Variants in CFAP299 observed in about 807,000 individuals in gnomAD.
The protein encoded by CFAP299 is cilia- and flagella-associated protein 299.
CFAP299 carries 21 observed loss-of-function variants against 27.0 expected under a neutral mutation model. The ratio of observed to expected loss-of-function variants is 0.78; its 90% CI spans 0.55 to 1.12. The LOEUF is 1.12. Among genes scored for constraint, CFAP299 ranks in the 50% most tolerant of loss-of-function variants. CFAP299 has a pLI of 0.00. For synonymous variants in CFAP299, 104 were observed against 98.1 expected, an observed-to-expected ratio of 1.06 and a Z score of -0.36; for missense variants, 310 against 276.6, an observed-to-expected ratio of 1.12 and a Z score of -0.86.
intron 3 of CFAP299, among the ~76,000 whole-genome samples, chr4:80,610,302 A>G (rs1737899914): frequency 6.6e-6 from 1 of 152,218 alleles, no homozygotes; most frequent in South Asian, 2.1e-4. Flanking sequence ...TGCTGAACCC[A>G]GCAGCACTTC....
intron 5 of CFAP299, among the ~76,000 whole-genome samples, chr4:80,957,284 A>G (rs751813129): frequency 6.5e-4 from 99 of 152,174 alleles, no homozygotes; most frequent in Non-Finnish European, 1.2e-3. Flanking sequence ...AGCTCCTTAC[A>G]GTGCCATGAA....
At chr4:80,578,356 C>T (rs1578625502) in intron 2 of CFAP299, among the ~76,000 whole-genome samples, 2 of 152,122 alleles carry the variant, frequency 1.3e-5, no homozygotes, top group East Asian at 3.8e-4. Context: ...TTTCCTCTTG[C>T]TAAGAAGTTT....
chr4:80,373,221 A>G (rs932045726), intron 2 of CFAP299, among the ~76,000 whole-genome samples: 3 of 152,026 alleles, frequency 2.0e-5, no homozygotes, highest in South Asian at 2.1e-4. Flanking sequence ...TCTGACCCCC[A>G]TAAGCTTCCA....
chr4:80,782,821 T>C (rs751198345), intron 3 of CFAP299, among the ~76,000 whole-genome samples: 5 of 150,488 alleles, frequency 3.3e-5, no homozygotes, highest in African/African-American at 7.3e-5. Flanking sequence ...TGTAATTACA[T>C]ATATATTCCA....
chr4:80,509,819 C>T (rs943316062), intron 2 of CFAP299, among the ~76,000 whole-genome samples: 2 of 151,872 alleles, frequency 1.3e-5, no homozygotes, highest in Non-Finnish European at 2.9e-5. Flanking sequence ...ATGAGTTTAT[C>T]ACAAAACTGA....
intron 3 of CFAP299, among the ~76,000 whole-genome samples, chr4:80,674,835 G>A (rs1239074355): frequency 6.6e-6 from 1 of 152,126 alleles, no homozygotes; most frequent in Non-Finnish European, 1.5e-5. Context: ...GCTTATGCAT[G>A]CATCACGTAG....
chr4:80,709,170 CTAGAGAAACTCATTTT>C (rs1721993466), intron 3 of CFAP299, among the ~76,000 whole-genome samples: 1 of 152,144 alleles, frequency 6.6e-6, no homozygotes. Context: ...TAGTCAGTAA[CTAGAGAAACTCATTTT>C]TCTTTTCAGA....
chr4:80,346,326 G>A (rs778435902), intron 1 of CFAP299, among the ~76,000 whole-genome samples: 1 of 152,140 alleles, frequency 6.6e-6, no homozygotes, highest in African/African-American at 2.4e-5. Context: ...TGCTTTTGGT[G>A]TTTTTGTCAT....
intron 2 of CFAP299, among the ~76,000 whole-genome samples, chr4:80,364,734 T>C (rs1195033012): frequency 1.3e-5 from 2 of 152,174 alleles, no homozygotes; most frequent in African/African-American, 4.8e-5. Context: ...TAGCTATTCT[T>C]CCTGATGCTC....
chr4:80,799,678 T>TA (rs1560417110), intron 3 of CFAP299, among the ~76,000 whole-genome samples: 1 of 25,332 alleles, frequency 3.9e-5, no homozygotes, highest in South Asian at 1.8e-3. Flanking sequence ...TAAATATATA[T>TA]TTATAAATAT....
intron 2 of CFAP299, among the ~76,000 whole-genome samples, chr4:80,382,989 A>G (rs138705446): frequency 1.3e-3 from 201 of 152,362 alleles, no homozygotes; most frequent in Non-Finnish European, 2.4e-3. Context: ...ATCACAGAAT[A>G]CTATGCAGAC....
At chr4:80,691,879 A>C (rs1720725858) in intron 3 of CFAP299, among the ~76,000 whole-genome samples, 1 of 152,218 alleles carries the variant, frequency 6.6e-6, no homozygotes, top group Non-Finnish European at 1.5e-5. Context: ...CAAAAATCAC[A>C]ATCATTCTTA....
intron 3 of CFAP299, among the ~76,000 whole-genome samples, chr4:80,593,221 C>T (rs1736875767): frequency 6.6e-6 from 1 of 152,186 alleles, no homozygotes; most frequent in Admixed American, 6.5e-5. Flanking sequence ...AGATCTAAAT[C>T]TGAACCAACT....
chr4:80,849,119 C>T (rs1408837310), intron 3 of CFAP299, among the ~76,000 whole-genome samples: 2 of 152,062 alleles, frequency 1.3e-5, no homozygotes, highest in African/African-American at 4.8e-5. Context: ...ACACATTGTA[C>T]AGTTACATAA....
chr4:80,376,301 A>C (rs539900014), intron 2 of CFAP299, among the ~76,000 whole-genome samples: 1 of 152,018 alleles, frequency 6.6e-6, no homozygotes, highest in East Asian at 1.9e-4. Flanking sequence ...GTTTGTGTAC[A>C]TATCTGTTTT....
At chr4:80,687,821 G>T (rs1578018925) in intron 3 of CFAP299, among the ~76,000 whole-genome samples, 1 of 152,144 alleles carries the variant, frequency 6.6e-6, no homozygotes, top group Non-Finnish European at 1.5e-5. Context: ...GCGCAGGTCA[G>T]TGGGTGCGCG....
intron 3 of CFAP299, among the ~76,000 whole-genome samples, chr4:80,666,953 A>T (rs763966984): frequency 8.5e-5 from 13 of 152,220 alleles, no homozygotes; most frequent in Non-Finnish European, 1.3e-4. Flanking sequence ...TTCAGGCTAC[A>T]TAGCATCCAA....
At chr4:80,724,051 G>C (rs1349362357) in intron 3 of CFAP299, among the ~76,000 whole-genome samples, 2 of 151,948 alleles carry the variant, frequency 1.3e-5, no homozygotes, top group African/African-American at 2.4e-5. Context: ...TCCTTGTTTT[G>C]TTTCCTTGGA....
At chr4:80,335,583 G>T (rs1281014161), upstream of CFAP299, 1 of 600,004 alleles carries the variant, frequency 1.7e-6, no homozygotes, top group Non-Finnish European at 3.0e-6. Flanking sequence ...ACTTGGGTGG[G>T]TAATTCCAGA....
Sources: gnomAD v4.1 joint callset for allele counts (sites outside exome capture counted in the v4.1 genomes callset) on GRCh38, gnomAD v4.1.1 for gene constraint, MANE v1.5 for transcripts, NCBI Gene and HGNC (gene_info 2026-07-23, HGNC 2026-07-21) for gene names.